Variants in GNA11 observed in about 807,000 individuals in gnomAD.
GNA11 encodes the protein guanine nucleotide-binding protein subunit alpha-11.
GNA11 carries 8 observed loss-of-function variants against 38.2 expected under a neutral mutation model. That is an observed-to-expected ratio of 0.21 (90% CI 0.12 to 0.38). The LOEUF (loss-of-function observed/expected upper bound fraction) is 0.38, where lower values mean the gene tolerates loss of function less well. Ranked by LOEUF, GNA11 falls within the 10% of genes least tolerant of loss-of-function variation. GNA11 has a pLI of 1.00. For missense variants in GNA11, 268 were observed against 516.3 expected, an observed-to-expected ratio of 0.52 and a Z score of 4.66; for synonymous variants, 211 against 221.4, an observed-to-expected ratio of 0.95 and a Z score of 0.42.
chr19:3,095,627 C>T (rs985231196), intron 1 of GNA11, among the ~76,000 whole-genome samples: 2 of 152,074 alleles, frequency 1.3e-5, no homozygotes, highest in African/African-American at 4.8e-5. Context: ...CTCCTCTTGG[C>T]TGGAATGCAC....
intron 4 of GNA11, chr19:3,118,252 A>G (rs1043796884): frequency 2.6e-5 from 4 of 152,124 alleles, no homozygotes; most frequent in African/African-American, 9.7e-5. Flanking sequence ...TTTTCTCGTT[A>G]TAGAAAACTT....
At chr19:3,098,506 G>C (rs1419904193) in intron 1 of GNA11, among the ~76,000 whole-genome samples, 1 of 152,250 alleles carries the variant, frequency 6.6e-6, no homozygotes, top group Non-Finnish European at 1.5e-5. Context: ...GAAACGTGGG[G>C]ACTTCCATGG....
chr19:3,102,129 CAAAA>C (rs373790541), intron 1 of GNA11, among the ~76,000 whole-genome samples: 1 of 147,740 alleles, frequency 6.8e-6, no homozygotes, highest in Non-Finnish European at 1.5e-5. Flanking sequence ...ACAAAACAAA[CAAAA>C]AAAAAACGTA....
At chr19:3,114,448 G>A (rs1913854861) in intron 3 of GNA11, among the ~76,000 whole-genome samples, 1 of 152,138 alleles carries the variant, frequency 6.6e-6, no homozygotes, top group Admixed American at 6.5e-5. Flanking sequence ...TGCTCGTGGT[G>A]GGTGCCGCAC....
At position 3,119,763 on chromosome 19, in the gene GNA11, A is replaced by G. The variant is rs1914020397; in HGVS notation, c.889+404A>G. Among the ~76,000 whole-genome samples, 1 of 151,660 alleles carries G rather than the reference A, an allele frequency of 6.6e-6. No individual in the cohort carries two copies. The highest frequency in any genetic ancestry group is 1.5e-5 in the Non-Finnish European group (1 of 67,834). On this transcript the variant is annotated intron_variant, in intron 6 of 6. Transcript: ENST00000078429. The surrounding 1 kb of genome is among the most constrained non-coding windows in gnomAD (Gnocchi z 4.6). ...GGGGGTGTCCTGTATAGGTGATCCCATATGGGAGGGGTCTCACAGGAAGGG... is the reference window on the plus strand; with the variant it reads ...GGGGGTGTCCTGTATAGGTGATCCCGTATGGGAGGGGTCTCACAGGAAGGG...
rs777260329 is a variant in GNA11 at position 3,113,493 on chromosome 19, G to A, written c.476+9G>A. The A allele has an allele frequency of 9.6e-6, 15 of 1,565,034 alleles. No homozygotes were observed. The highest frequency in any genetic ancestry group is 8.4e-5 in the South Asian group (7 of 83,458). Reference sequence around the variant, plus strand: ...TCCGACTCTGCCAAGTAGTAAGTGCGGCCGCACCGCTGGCGGCCTGGGGAC... The same window carrying A: ...TCCGACTCTGCCAAGTAGTAAGTGCAGCCGCACCGCTGGCGGCCTGGGGAC... On this transcript the variant is annotated intron_variant, in intron 3 of 6. Transcript: ENST00000078429.
Position 3,122,776 on chromosome 19 carries a change from T to C in GNA11, c.*1597T>C. 4.3e-6 allele frequency: 1 copy of C among 233,712 alleles called. No homozygotes were observed. Among genetic ancestry groups the C allele is most frequent in the Admixed American group, 5.6e-5 (1 of 17,808 alleles). The allele number at this position is 233,712 out of a possible 1,614,324, so 14.5% of individuals were successfully genotyped here. A position where few individuals can be genotyped will look rare whatever the true frequency, so the allele number is the denominator to read the frequency against. On this transcript the variant is annotated 3_prime_UTR_variant, in exon 7 of 7. Coordinates refer to ENST00000078429, the MANE Select transcript of GNA11 (RefSeq NM_002067.5). This position sits in a 1 kb window ranked among gnomAD's most constrained non-coding sequence, Gnocchi z 7.7. The stretch of plus-strand genomic sequence containing the variant: ...ACCACTCCAACCAGCAGTTCCCGCC[T>C]GCCTGCCCGCCACTGTCAGGCCTGC...
Position 3,110,099 on chromosome 19 carries a change from C to A in GNA11, c.137-50C>A. On this transcript the variant is annotated intron_variant, in intron 1 of 6. Coordinates refer to ENST00000078429, the MANE Select transcript of GNA11 (RefSeq NM_002067.5). This position sits in a 1 kb window ranked among gnomAD's most constrained non-coding sequence, Gnocchi z 5.4. ...GTCTGGGTAAGAGGGGGCAGCAGCA[C>A]GAGAGTCAGGCCCCGGCTGCCGCCC... The A allele has an allele frequency of 6.9e-7, 1 of 1,457,320 alleles. No homozygotes were observed. Among genetic ancestry groups the A allele is most frequent in the Non-Finnish European group, 9.4e-7 (1 of 1,066,892 alleles). The allele number at this position is 1,457,320 out of a possible 1,614,324, so 90.3% of individuals were successfully genotyped here. A position where few individuals can be genotyped will look rare whatever the true frequency, so the allele number is the denominator to read the frequency against.
Position 3,122,246 on chromosome 19 carries a change from G to A in GNA11, c.*1067G>A, listed in dbSNP as rs1057401625. On this transcript the variant is annotated 3_prime_UTR_variant, in exon 7 of 7. Transcript: ENST00000078429. This position sits in a 1 kb window ranked among gnomAD's most constrained non-coding sequence, Gnocchi z 7.7. ...ACAGAATATTCTCAGGTGTGTACCC[G>A]AGAGGCAGAGAGAGGGACGTGGCCG... 2.4e-4 allele frequency: 56 copies of A among 232,696 alleles called. No individual in the cohort carries two copies. Among genetic ancestry groups the A allele is most frequent in the Middle Eastern group, 1.2e-3 (1 of 808 alleles). The allele number at this position is 232,696 out of a possible 1,614,324, so 14.4% of individuals were successfully genotyped here. A position where few individuals can be genotyped will look rare whatever the true frequency, so the allele number is the denominator to read the frequency against.
rs1914051932 is a variant in GNA11 at position 3,120,771 on chromosome 19, G to A, written c.890-218G>A. Among the ~76,000 whole-genome samples, 1 of 152,132 alleles carries A rather than the reference G, an allele frequency of 6.6e-6. No homozygotes were observed. The highest frequency in any genetic ancestry group is 2.1e-4 in the South Asian group (1 of 4,830). ...GCAGAGCCCCAGGTTGGAGGCCTGG[G>A]CCGTGACAGTAGTGCCCTGGGGCTA... On this transcript the variant is annotated intron_variant, in intron 6 of 6. Transcript: ENST00000078429. This position sits in a 1 kb window ranked among gnomAD's most constrained non-coding sequence, Gnocchi z 5.9.
intron 1 of GNA11, among the ~76,000 whole-genome samples, chr19:3,101,329 C>T (rs537695846): frequency 6.6e-6 from 1 of 152,246 alleles, no homozygotes; most frequent in South Asian, 2.1e-4. Flanking sequence ...ACTGTGGGGC[C>T]AGGTCCACAC....
rs1914032052 is a variant in GNA11 at position 3,120,179 on chromosome 19, T to G, written c.890-810T>G. Among the ~76,000 whole-genome samples the G allele has an allele frequency of 6.6e-6, 1 of 151,946 alleles. No individual in the cohort carries two copies. The highest frequency in any genetic ancestry group is 6.5e-5 in the Admixed American group (1 of 15,276). Reference sequence around the variant, plus strand: ...CCTCAGGGTGCCCTGCCTCTGGATGTGCAGCGAGAGGGAGGGGTCTGGCAC... The same window carrying G: ...CCTCAGGGTGCCCTGCCTCTGGATGGGCAGCGAGAGGGAGGGGTCTGGCAC... On this transcript the variant is annotated intron_variant, in intron 6 of 6. Coordinates refer to ENST00000078429, the MANE Select transcript of GNA11 (RefSeq NM_002067.5). The surrounding 1 kb of genome is among the most constrained non-coding windows in gnomAD (Gnocchi z 5.9).
intron 2 of GNA11, among the ~76,000 whole-genome samples, 164 bp from the exon 3 acceptor site, chr19:3,113,166 G>GA (rs368779692): frequency 6.6e-6 from 1 of 152,236 alleles, no homozygotes; most frequent in African/African-American, 2.4e-5. Context: ...GCGGCCTCGC[G>GA]TTTTTCTGAC....
At chr19:3,099,620 G>A (rs1467088435) in intron 1 of GNA11, among the ~76,000 whole-genome samples, 1 of 152,088 alleles carries the variant, frequency 6.6e-6, no homozygotes, top group African/African-American at 2.4e-5. Context: ...CCAGACTCTC[G>A]CTGTCATCTG....
chr19:3,104,414 G>C (rs148271326), intron 1 of GNA11, among the ~76,000 whole-genome samples: 1 of 152,206 alleles, frequency 6.6e-6, no homozygotes, highest in African/African-American at 2.4e-5. Context: ...GCTCCCTAGC[G>C]TCTGGGGTCC....
rs943734279 is a variant in GNA11, at chr19:3,119,448, C to T, written c.889+89C>T. On this transcript the variant is annotated intron_variant, in intron 6 of 6. Transcript: ENST00000078429. The surrounding 1 kb of genome is among the most constrained non-coding windows in gnomAD (Gnocchi z 4.6). ...ATATGGGAGAGGGGCTCATACAGGC[C>T]GGGAGCTCTAAGGGAGGGCGTCTGA... The T allele has an allele frequency of 1.3e-4, 164 of 1,258,592 alleles. No homozygotes were observed. Among genetic ancestry groups the T allele is most frequent in the Middle Eastern group, 3.9e-4 (2 of 5,164 alleles). The allele number at this position is 1,258,592 out of a possible 1,614,324, so 78.0% of individuals were successfully genotyped here. A position where few individuals can be genotyped will look rare whatever the true frequency, so the allele number is the denominator to read the frequency against.
chr19:3,111,120 T>C (rs75966063), intron 2 of GNA11, among the ~76,000 whole-genome samples: 2,292 of 151,642 alleles, frequency 0.015, 22 homozygotes, highest in Non-Finnish European at 0.025. Flanking sequence ...TTCTTTTTTT[T>C]TTGATAAAGT....
chr19:3,121,594 C>T lies in GNA11; in HGVS notation c.*415C>T, dbSNP rs1031786316. On this transcript the variant is annotated 3_prime_UTR_variant, in exon 7 of 7. Coordinates refer to ENST00000078429, the MANE Select transcript of GNA11 (RefSeq NM_002067.5). ...CCCGCCCTGCAGCCAGTCACGCGCC[C>T]CCACACCGCAGCCCCCCGTGGCTGT... 1.6e-4 allele frequency: 38 copies of T among 234,596 alleles called. No individual in the cohort carries two copies. In the Admixed American group the frequency reaches 2.1e-3, roughly 13 times the overall value. 14.5% of individuals were successfully genotyped at this position (234,596 alleles called of 1,614,324 possible). A position where few individuals can be genotyped will look rare whatever the true frequency, so the allele number is the denominator to read the frequency against.
Position 3,121,640 on chromosome 19 carries a change from T to C in GNA11, c.*461T>C. 1 of 232,864 alleles carries C rather than the reference T, an allele frequency of 4.3e-6. No individual in the cohort carries two copies. Among genetic ancestry groups the C allele is most frequent in the East Asian group, 6.1e-5 (1 of 16,458 alleles). 14.4% of individuals were successfully genotyped at this position (232,864 alleles called of 1,614,324 possible). On this transcript the variant is annotated 3_prime_UTR_variant, in exon 7 of 7. Coordinates refer to ENST00000078429, the MANE Select transcript of GNA11 (RefSeq NM_002067.5). ...GCTGTCCTTCCAACCCCACGTGCTT[T>C]TTCTTTCTCCTGCCCGCTTCTTTTC...
Sources: allele counts gnomAD v4.1 joint callset (sites outside exome capture counted in the v4.1 genomes callset), GRCh38; gene constraint gnomAD v4.1.1; non-coding constraint Gnocchi (gnomAD v3.1); transcripts MANE v1.5; gene names NCBI Gene and HGNC (gene_info 2026-07-23, HGNC 2026-07-21).